NRP1: variants seen among roughly 807,000 people sequenced by gnomAD.
The protein encoded by NRP1 is neuropilin 1.
NRP1 carries 35 observed loss-of-function variants against 106.7 expected under a neutral mutation model. That is an observed-to-expected ratio of 0.33 (90% CI 0.25 to 0.43). NRP1 has a LOEUF of 0.43. NRP1 is among the 20% of genes least tolerant of loss of function. The probability of loss-of-function intolerance (pLI) is 1.00; values close to 1 mark genes in which losing one functional copy is unlikely to be tolerated. For missense variants in NRP1, 1,024 were observed against 1,170.4 expected, an observed-to-expected ratio of 0.87 and a Z score of 1.83; for synonymous variants, 437 against 417.9, an observed-to-expected ratio of 1.05 and a Z score of -0.56.
intron 2 of NRP1, among the ~76,000 whole-genome samples, chr10:33,282,659 T>C (rs1264487020): frequency 6.6e-6 from 1 of 152,064 alleles, no homozygotes. Flanking sequence ...AAGCAAAAAA[T>C]AGTTGAAGAA....
intron 2 of NRP1, among the ~76,000 whole-genome samples, chr10:33,315,883 C>G (rs1846995773): frequency 6.6e-6 from 1 of 152,200 alleles, no homozygotes; most frequent in Non-Finnish European, 1.5e-5. Flanking sequence ...ATCCTATGCA[C>G]AGGCATGGGG....
chr10:33,236,640 C>T (rs1206908037), intron 6 of NRP1, among the ~76,000 whole-genome samples: 1 of 152,152 alleles, frequency 6.6e-6, no homozygotes, highest in African/African-American at 2.4e-5. Context: ...GTATACAGGT[C>T]ACCCGTTCCT....
intron 2 of NRP1, among the ~76,000 whole-genome samples, chr10:33,276,334 C>G (rs1843695268): frequency 6.6e-6 from 1 of 152,104 alleles, no homozygotes; most frequent in Non-Finnish European, 1.5e-5. Context: ...TTTCTTCCCC[C>G]ACCCACTGGA....
chr10:33,260,981 T>A (rs1842530938), intron 4 of NRP1, among the ~76,000 whole-genome samples: 1 of 87,606 alleles, frequency 1.1e-5, no homozygotes, highest in Admixed American at 1.4e-4. Context: ...CTAGTGCCAT[T>A]GACCAAAAAA....
At chr10:33,206,044 G>A in intron 10 of NRP1, 2 of 350,754 alleles carry the variant, frequency 5.7e-6, no homozygotes, top group Admixed American at 3.6e-5. Flanking sequence ...GCAAGATGGA[G>A]TCAGTTAGGT....
At chr10:33,291,818 T>C (rs1242318407) in intron 2 of NRP1, among the ~76,000 whole-genome samples, 1 of 152,184 alleles carries the variant, frequency 6.6e-6, no homozygotes, top group Non-Finnish European at 1.5e-5. Flanking sequence ...TTTCAATATA[T>C]CCTTATTTTC....
chr10:33,181,845 A>T (rs754737538), intron 16 of NRP1, among the ~76,000 whole-genome samples: 6 of 152,350 alleles, frequency 3.9e-5, no homozygotes, highest in Admixed American at 6.5e-5. Context: ...CACGCCTGTA[A>T]TCCCAGCACT....
chr10:33,197,792 A>G, intron 11 of NRP1, 83 bp from the exon 12 acceptor site: 4 of 705,938 alleles, frequency 5.7e-6, no homozygotes, highest in South Asian at 2.0e-5. Flanking sequence ...ACAAATGTCT[A>G]TCAGAGGCAA....
chr10:33,248,991 T>C (rs1047996652), intron 6 of NRP1, among the ~76,000 whole-genome samples: 7 of 152,118 alleles, frequency 4.6e-5, no homozygotes, highest in African/African-American at 1.7e-4. Context: ...AGTAATTTAA[T>C]TTCAAAAGTC....
chr10:33,220,403 T>A (rs1193569467), intron 8 of NRP1, among the ~76,000 whole-genome samples: 1 of 152,244 alleles, frequency 6.6e-6, no homozygotes, highest in African/African-American at 2.4e-5. Context: ...TAGACATTGC[T>A]TGCTTTTAAT....
chr10:33,272,905 A>G (rs1843410899), intron 2 of NRP1, among the ~76,000 whole-genome samples: 1 of 152,046 alleles, frequency 6.6e-6, no homozygotes, highest in South Asian at 2.1e-4. Flanking sequence ...AGGCATTCTG[A>G]AAAACTAAGG....
chr10:33,250,981 A>C (rs1174804886), intron 6 of NRP1, among the ~76,000 whole-genome samples: 1 of 152,150 alleles, frequency 6.6e-6, no homozygotes, highest in Non-Finnish European at 1.5e-5. Context: ...GGGAGACCCA[A>C]GAACCATCAT....
At chr10:33,216,692 T>G (rs1266442963) in intron 8 of NRP1, among the ~76,000 whole-genome samples, 1 of 152,014 alleles carries the variant, frequency 6.6e-6, no homozygotes, top group Non-Finnish European at 1.5e-5. Context: ...TCTTACCATT[T>G]TGGCCTCCCA....
At chr10:33,210,204 T>TA (rs34947419) in intron 9 of NRP1, among the ~76,000 whole-genome samples, 22,590 of 151,688 alleles carry the variant, frequency 0.15, 1,713 homozygotes, top group Middle Eastern at 0.3. Context: ...TTTTTTTTTT[T>TA]ATCAAGAGTA....
rs868390718 is a variant in NRP1, at chr10:33,319,572, C to T, written c.248+11136G>A. ...TGCGGTGGTGCCATCTTTTTTTTTT[C>T]TTTCTTTCTTTCTTTCTTTTTTTTT... On this transcript the variant is annotated intron_variant, in intron 2 of 16. Transcript: ENST00000374867. 3.9e-3 allele frequency among the ~76,000 whole-genome samples: 529 copies of T among 136,598 alleles called. 3 individuals carry two copies. The highest frequency in any genetic ancestry group is 7.2e-3 in the Admixed American group (97 of 13,564). 89.6% of individuals were successfully genotyped at this position (136,598 alleles called of 152,430 possible).
intron 7 of NRP1, among the ~76,000 whole-genome samples, chr10:33,222,368 C>T (rs958963002): frequency 5.3e-5 from 8 of 152,122 alleles, no homozygotes; most frequent in Admixed American, 2.6e-4. Context: ...AAGATCTTGT[C>T]CCTCACACTA....
chr10:33,296,964 G>A (rs1372221690), intron 2 of NRP1, among the ~76,000 whole-genome samples: 2 of 151,898 alleles, frequency 1.3e-5, no homozygotes, highest in Non-Finnish European at 2.9e-5. Context: ...AGGAGGCGGA[G>A]TTTGCAGTCA....
At position 33,209,808 on chromosome 10, in the gene NRP1, C is replaced by T. The variant is rs575054467; in HGVS notation, c.1615-2092G>A. Among the ~76,000 whole-genome samples, 37 of 152,324 alleles carry T rather than the reference C, an allele frequency of 2.4e-4. No individual in the cohort carries two copies. The South Asian group carries it at 3.9e-3, about 16-fold the overall frequency. ...CTGATTTTAATAGGTGAAAACACCA[C>T]GGTCCAAGAAACATCTATGCCCAAG... On this transcript the variant is annotated intron_variant, in intron 9 of 16. Transcript: ENST00000374867.
chr10:33,230,635 G>A (rs919376082), intron 6 of NRP1, among the ~76,000 whole-genome samples: 240 of 138,678 alleles, frequency 1.7e-3, no homozygotes, highest in Non-Finnish European at 3.0e-3. Context: ...GTGTGTGTGT[G>A]TGTATGTATC....
Sources: allele counts gnomAD v4.1 joint callset (sites outside exome capture counted in the v4.1 genomes callset), GRCh38; gene constraint gnomAD v4.1.1; transcripts MANE v1.5; gene names NCBI Gene and HGNC (gene_info 2026-07-23, HGNC 2026-07-21).